The following SV2C variants were observed in gnomAD, a reference collection of about 807,000 sequenced individuals.
SV2C encodes the protein solute carrier family 22 member B3.
A neutral mutation model predicts 79.7 loss-of-function variants in SV2C; 49 were observed. The ratio of observed to expected loss-of-function variants is 0.61; its 90% CI spans 0.49 to 0.78. The LOEUF (loss-of-function observed/expected upper bound fraction) is 0.78. Among genes scored for constraint, SV2C ranks in the 30% least tolerant of loss-of-function variants. The probability of loss-of-function intolerance (pLI) is 0.00; values close to 1 mark genes in which losing one functional copy is unlikely to be tolerated. For synonymous variants in SV2C, 334 were observed against 333.2 expected (o/e 1.00, Z -0.03); for missense variants, 833 against 912.9 (o/e 0.91, Z 1.13).
chr5:76,183,158 G>A (rs996522605), intron 2 of SV2C, among the ~76,000 whole-genome samples: 6 of 150,812 alleles, frequency 4.0e-5, no homozygotes, highest in African/African-American at 1.5e-4. Context: ...TGAGTAGCTG[G>A]GATTACGGGT....
At chr5:75,937,780 G>T in the SV2C span, among the ~76,000 whole-genome samples, 1 of 152,020 alleles carries the variant, frequency 6.6e-6, no homozygotes, top group Non-Finnish European at 1.5e-5. Context: ...AACAGCTAGG[G>T]TCTTCCAGTC....
At chr5:76,180,156 A>ATATTG (rs1270538174) in intron 2 of SV2C, among the ~76,000 whole-genome samples, 3 of 152,198 alleles carry the variant, frequency 2.0e-5, no homozygotes, top group Non-Finnish European at 4.4e-5. Flanking sequence ...CTGTTGCTGT[A>ATATTG]CAATATCAAA....
chr5:76,018,637 A>G, the SV2C span, among the ~76,000 whole-genome samples: 4 of 152,242 alleles, frequency 2.6e-5, no homozygotes, highest in African/African-American at 9.6e-5. Context: ...ATTTTTCAAT[A>G]ATGTATCAAT....
At chr5:75,982,641 C>G in the SV2C span, among the ~76,000 whole-genome samples, 1 of 152,308 alleles carries the variant, frequency 6.6e-6, no homozygotes, top group African/African-American at 2.4e-5. Flanking sequence ...ATAAATCATT[C>G]TGTTATAAAG....
chr5:76,079,353 G>T (rs918396139), upstream of SV2C: 136 of 306,002 alleles, frequency 4.4e-4, no homozygotes, highest in Admixed American at 2.1e-3. Flanking sequence ...ATTGATGGAT[G>T]TAAGAAATAT....
At chr5:76,245,181 A>T (rs1745906624) in intron 4 of SV2C, among the ~76,000 whole-genome samples, 1 of 152,166 alleles carries the variant, frequency 6.6e-6, no homozygotes, top group South Asian at 2.1e-4. Context: ...CCCCGAGTTT[A>T]TAAACTTCAT....
At chr5:76,031,862 G>C in the SV2C span, among the ~76,000 whole-genome samples, 1 of 152,144 alleles carries the variant, frequency 6.6e-6, no homozygotes, top group Non-Finnish European at 1.5e-5. Context: ...ACTTGTCCAG[G>C]GACTTTCCGA....
intron 6 of SV2C, among the ~76,000 whole-genome samples, chr5:76,287,781 C>T (rs908293744): frequency 2.6e-5 from 4 of 152,192 alleles, no homozygotes; most frequent in African/African-American, 9.7e-5. Flanking sequence ...TCAATATACG[C>T]AGTCATATAA....
At chr5:75,885,753 G>A in the SV2C span, among the ~76,000 whole-genome samples, 2 of 151,944 alleles carry the variant, frequency 1.3e-5, no homozygotes, top group African/African-American at 4.8e-5. Flanking sequence ...TGTGTCTTCT[G>A]CTGGCATCTA....
At chr5:76,110,742 G>A (rs539101613) in intron 1 of SV2C, among the ~76,000 whole-genome samples, 60 of 152,336 alleles carry the variant, frequency 3.9e-4, no homozygotes, top group African/African-American at 1.3e-3. Flanking sequence ...ACATTTTATC[G>A]AGAAATTAGA....
Position 76,155,636 on chromosome 5 carries a change from G to A in SV2C, c.580+23306G>A, listed in dbSNP as rs184164390. On this transcript the variant is annotated intron_variant, in intron 2 of 12. Coordinates refer to ENST00000502798, the MANE Select transcript of SV2C (RefSeq NM_014979.4). ...CAGAGGAATCTACCTTGAATGTGGCGTGCTGAGAATCCTGGGACCTACATT... is the reference window on the plus strand; with the variant it reads ...CAGAGGAATCTACCTTGAATGTGGCATGCTGAGAATCCTGGGACCTACATT... 1.8e-4 allele frequency among the ~76,000 whole-genome samples: 27 copies of A among 152,196 alleles called. 1 individual carries two copies. The East Asian group carries it at 2.9e-3, about 16-fold the overall frequency.
intron 10 of SV2C, among the ~76,000 whole-genome samples, chr5:76,300,058 A>T (rs1580048044): frequency 6.6e-6 from 1 of 151,192 alleles, no homozygotes; most frequent in Non-Finnish European, 1.5e-5. Context: ...GATAAGGCTG[A>T]CTCTTGCACT....
intron 2 of SV2C, among the ~76,000 whole-genome samples, chr5:76,171,608 T>TGG (rs1184285564): frequency 4.0e-4 from 42 of 104,938 alleles, no homozygotes; most frequent in African/African-American, 1.1e-3. Flanking sequence ...AGGAGAGAGG[T>TGG]GGGGGGGGGG....
the SV2C span, among the ~76,000 whole-genome samples, chr5:76,012,990 C>A: frequency 6.6e-6 from 1 of 152,128 alleles, no homozygotes; most frequent in African/African-American, 2.4e-5. Flanking sequence ...CAGTACCATG[C>A]TGTTTTGGTT....
intron 12 of SV2C, 37 bp from the exon 13 acceptor site, chr5:76,325,327 A>G: frequency 6.2e-7 from 1 of 1,604,506 alleles, no homozygotes; most frequent in Non-Finnish European, 8.5e-7. Flanking sequence ...ATGGGGAGGC[A>G]TTTTCTCAAC....
At chr5:76,191,578 G>A (rs966305023) in intron 2 of SV2C, among the ~76,000 whole-genome samples, 6 of 152,116 alleles carry the variant, frequency 3.9e-5, no homozygotes, top group Non-Finnish European at 5.9e-5. Context: ...GTCCCCTTAG[G>A]GATTGTCAGA....
chr5:75,894,479 G>C, the SV2C span, among the ~76,000 whole-genome samples: 1 of 152,018 alleles, frequency 6.6e-6, no homozygotes, highest in Non-Finnish European at 1.5e-5. Context: ...CCAGCAGCTG[G>C]ACAGTCTCTG....
At chr5:76,032,671 A>T in the SV2C span, among the ~76,000 whole-genome samples, 2 of 152,178 alleles carry the variant, frequency 1.3e-5, no homozygotes, top group Non-Finnish European at 2.9e-5. Context: ...GGTTGGTTCC[A>T]AGTCTTTGCT....
the SV2C span, among the ~76,000 whole-genome samples, chr5:75,984,590 T>TCTATCTATCTATCTATCTATCTATCTAC: frequency 1.0e-5 from 1 of 99,124 alleles, no homozygotes; most frequent in African/African-American, 3.0e-5. Flanking sequence ...TATCTATCTA[T>TCTATCTATCTATCTATCTATCTATCTAC]CTATCTACCT....
Sources: gnomAD v4.1 joint callset for allele counts (sites outside exome capture counted in the v4.1 genomes callset) on GRCh38, gnomAD v4.1.1 for gene constraint, MANE v1.5 for transcripts, NCBI Gene and HGNC (gene_info 2026-07-23, HGNC 2026-07-21) for gene names.